Variants in HHIPL1 observed in about 807,000 individuals in gnomAD.
The protein encoded by HHIPL1 is HHIP-like protein 1.
A neutral mutation model predicts 61.8 loss-of-function variants in HHIPL1; 43 were observed. That is an observed-to-expected ratio of 0.70 (90% CI 0.55 to 0.90). The LOEUF (loss-of-function observed/expected upper bound fraction) is 0.90. HHIPL1 is among the 40% of genes least tolerant of loss of function. The probability of loss-of-function intolerance (pLI) is 0.00; values close to 1 mark genes in which losing one functional copy is unlikely to be tolerated. For synonymous variants in HHIPL1, 482 were observed against 515.8 expected, an observed-to-expected ratio of 0.93 and a Z score of 0.89; for missense variants, 1,056 against 1,157.7, an observed-to-expected ratio of 0.91 and a Z score of 1.28.
chr14:99,642,695 T>G (rs2055768504), upstream of HHIPL1, among the ~76,000 whole-genome samples: 1 of 151,834 alleles, frequency 6.6e-6, no homozygotes. Context: ...CCGGCTAAAT[T>G]TTGTATTTTT....
chr14:99,643,132 C>G (rs2055774579), upstream of HHIPL1, among the ~76,000 whole-genome samples: 1 of 152,130 alleles, frequency 6.6e-6, no homozygotes, highest in Non-Finnish European at 1.5e-5. Flanking sequence ...CCTCCGCCTC[C>G]TGGGTTCAAG....
Position 99,675,473 on chromosome 14 carries a change from G to T in HHIPL1, c.2196G>T (p.Gln732His). Reference sequence around the variant, plus strand: ...CCGTCAAGAGAGCCGAGTTCGGCCAGGGCGGCTCGCTGCCCATTCTGCTGG... The same window carrying T: ...CCGTCAAGAGAGCCGAGTTCGGCCATGGCGGCTCGCTGCCCATTCTGCTGG... ...VRAVKRAEFG[Q>H]GGSLPILLDD... The change falls in exon 9 of 9, where the codon CAG becomes CAT. Residue 732 changes from glutamine to histidine, a missense_variant. Physicochemically the swap from Gln to His is conservative, Grantham distance 24. Transcript: ENST00000330710. The surrounding 1 kb of genome is among the most constrained non-coding windows in gnomAD (Gnocchi z 5.4). 1 of 1,541,496 alleles carries T rather than the reference G, an allele frequency of 6.5e-7. No homozygotes were observed. The highest frequency in any genetic ancestry group is 8.7e-7 in the Non-Finnish European group (1 of 1,146,350).
chr14:99,625,969 G>A, the HHIPL1 span, among the ~76,000 whole-genome samples: 1 of 152,166 alleles, frequency 6.6e-6, no homozygotes, highest in African/African-American at 2.4e-5. Context: ...AAGTCGTTGT[G>A]AGGATGAAGT....
the HHIPL1 span, among the ~76,000 whole-genome samples, chr14:99,634,986 T>C: frequency 2.0e-5 from 3 of 152,142 alleles, no homozygotes; most frequent in Non-Finnish European, 4.4e-5. Flanking sequence ...AGGTTGGTCT[T>C]GTGTCCCTAC....
intron 3 of HHIPL1, among the ~76,000 whole-genome samples, chr14:99,659,061 G>A (rs1048092541): frequency 6.6e-6 from 1 of 152,126 alleles, no homozygotes; most frequent in Non-Finnish European, 1.5e-5. Flanking sequence ...CCAGCGGTGC[G>A]GCAACTGGGC....
At chr14:99,667,563 C>T (rs1217993840) in intron 6 of HHIPL1, among the ~76,000 whole-genome samples, 1 of 152,004 alleles carries the variant, frequency 6.6e-6, no homozygotes, top group Non-Finnish European at 1.5e-5. Context: ...CTGGAGATCA[C>T]AGGGGGCCAA....
chr14:99,615,916 T>C, the HHIPL1 span, among the ~76,000 whole-genome samples: 1 of 152,124 alleles, frequency 6.6e-6, no homozygotes, highest in Non-Finnish European at 1.5e-5. Context: ...TGTCGGAGTT[T>C]GGTGAAAAGC....
Position 99,668,377 on chromosome 14 carries a change from C to T in HHIPL1, c.1730+74C>T, listed in dbSNP as rs996894110. On this transcript the variant is annotated intron_variant, in intron 7 of 8. Coordinates refer to ENST00000330710, the MANE Select transcript of HHIPL1 (RefSeq NM_001127258.3). The surrounding 1 kb of genome is among the most constrained non-coding windows in gnomAD (Gnocchi z 4.7). ...CTTAGCTCCACGGGCTTGTCCCCTC[C>T]GCCTCGCCCTCAGGTGGGTGGTATT... is the stretch of plus-strand genomic sequence containing the variant. The T allele has an allele frequency of 1.0e-5, 9 of 893,282 alleles. No individual in the cohort carries two copies. Among genetic ancestry groups the T allele is most frequent in the Admixed American group, 1.7e-5 (1 of 57,854 alleles). The allele number at this position is 893,282 out of a possible 1,614,324, so 55.3% of individuals were successfully genotyped here.
Position 99,675,673 on chromosome 14 carries a change from CA to C in HHIPL1, c.*48del. The C allele has an allele frequency of 6.8e-7, 1 of 1,461,932 alleles. No individual in the cohort carries two copies. The highest frequency in any genetic ancestry group is 9.0e-7 in the Non-Finnish European group (1 of 1,105,452). 90.6% of individuals were successfully genotyped at this position (1,461,932 alleles called of 1,614,324 possible). A position where few individuals can be genotyped will look rare whatever the true frequency, so the allele number is the denominator to read the frequency against. Reference sequence around the variant, plus strand: ...CCATCCCGCCGGCGGGGGAGCCTGGCAGGGGCCGCTCCGCCCTGTGTGCGCC... The same window carrying C: ...CCATCCCGCCGGCGGGGGAGCCTGGCGGGGCCGCTCCGCCCTGTGTGCGCC... On this transcript the variant is annotated 3_prime_UTR_variant, in exon 9 of 9. Coordinates refer to ENST00000330710, the MANE Select transcript of HHIPL1 (RefSeq NM_001127258.3). The surrounding 1 kb of genome is among the most constrained non-coding windows in gnomAD (Gnocchi z 5.4).
chr14:99,659,900 T>G, intron 4 of HHIPL1, 144 bp downstream of exon 4: 13 of 616,916 alleles, frequency 2.1e-5, no homozygotes, highest in Non-Finnish European at 2.3e-5. Flanking sequence ...CCCCACTCTA[T>G]GGGCTGTGCG....
chr14:99,652,813 T>C lies in HHIPL1; in HGVS notation c.845T>C (p.Ile282Thr). 1 of 1,614,108 alleles carries C rather than the reference T, an allele frequency of 6.2e-7. No individual in the cohort carries two copies. ...VGIRSSEWIR[I>T]SEFRVSEDDE... ...ATCCGCAGCAGTGAGTGGATCCGCA[T>C]CAGCGAGTTCAGAGTCTCCGAGGAT... Residue 282 changes from isoleucine (I) to threonine (T), a missense_variant, in exon 2 of 9, where the codon ATC becomes ACC. Coordinates refer to ENST00000330710, the MANE Select transcript of HHIPL1 (RefSeq NM_001127258.3).
the HHIPL1 span, among the ~76,000 whole-genome samples, chr14:99,608,006 C>T: frequency 6.6e-6 from 1 of 152,116 alleles, no homozygotes; most frequent in Admixed American, 6.5e-5. Flanking sequence ...CATGCTCAGG[C>T]ACTGGGAGTG....
At chr14:99,656,842 AGG>A (rs755722023) in intron 2 of HHIPL1, among the ~76,000 whole-genome samples, 156 bp from the exon 3 acceptor site, 618 of 9,738 alleles carry the variant, frequency 0.063, 144 homozygotes, top group Middle Eastern at 0.29. Flanking sequence ...AAAGAAAGGA[AGG>A]AAGGAAGGAA....
rs1268262789 is a variant in HHIPL1, at chr14:99,652,509, T to C, written c.541T>C (p.Cys181Arg). 1 of 1,613,782 alleles carries C rather than the reference T, an allele frequency of 6.2e-7. No individual in the cohort carries two copies. The highest frequency in any genetic ancestry group is 2.2e-5 in the East Asian group (1 of 44,878). The part of the protein sequence containing the change: ...LGHVVADAKG[C>R]LQLCLEEVAN... ...CCACGTGGTAGCCGATGCCAAGGGC[T>C]GCCTGCAGCTGTGCCTGGAGGAGGT... Residue 181 changes from cysteine (C) to arginine (R), a missense_variant, in exon 2 of 9, where the codon TGC becomes CGC. Transcript: ENST00000330710.
the HHIPL1 span, among the ~76,000 whole-genome samples, chr14:99,631,072 C>CTTTCTTTCTTTA: frequency 6.8e-6 from 1 of 146,654 alleles, no homozygotes; most frequent in African/African-American, 2.6e-5. Flanking sequence ...TTCTTTCTTT[C>CTTTCTTTCTTTA]TTTCTTTCTT....
At chr14:99,646,995 T>C (rs112046736) in intron 1 of HHIPL1, among the ~76,000 whole-genome samples, 287 of 152,270 alleles carry the variant, frequency 1.9e-3, no homozygotes, top group African/African-American at 6.8e-3. Flanking sequence ...TCCTTGGCCC[T>C]CACTGGCTGC....
chr14:99,622,997 C>T, the HHIPL1 span, among the ~76,000 whole-genome samples: 2 of 152,242 alleles, frequency 1.3e-5, no homozygotes, highest in African/African-American at 4.8e-5. Flanking sequence ...GACCCATGTG[C>T]TATGGAACTG....
At chr14:99,662,818 G>A (rs1461756823) in intron 5 of HHIPL1, 58 bp from the exon 6 acceptor site, 59 of 1,480,524 alleles carry the variant, frequency 4.0e-5, no homozygotes, top group Non-Finnish European at 5.3e-5. Context: ...TGGATTGGTG[G>A]GTAGGTTCCC....
At chr14:99,658,748 T>C (rs2056091815) in intron 3 of HHIPL1, among the ~76,000 whole-genome samples, 1 of 152,144 alleles carries the variant, frequency 6.6e-6, no homozygotes, top group African/African-American at 2.4e-5. Flanking sequence ...TGCACCCCTC[T>C]GCTCTCTCCC....
Sources: allele counts gnomAD v4.1 joint callset (sites outside exome capture counted in the v4.1 genomes callset), GRCh38; gene constraint gnomAD v4.1.1; non-coding constraint Gnocchi (gnomAD v3.1); transcripts MANE v1.5; gene names NCBI Gene and HGNC (gene_info 2026-07-23, HGNC 2026-07-21).